Variants in HECTD4 observed in about 807,000 individuals in gnomAD.
HECTD4 encodes probable E3 ubiquitin-protein ligase HECTD4.
A neutral mutation model predicts 471.5 loss-of-function variants in HECTD4; 114 were observed. That is an observed-to-expected ratio of 0.24 (90% CI 0.21 to 0.28). The LOEUF is 0.28. HECTD4 is among the 10% of genes least tolerant of loss of function. The pLI, the probability that HECTD4 is intolerant of heterozygous loss-of-function variation, is 1.00. For synonymous variants in HECTD4, 2,012 were observed against 2,256.0 expected (o/e 0.89, Z 3.07); for missense variants, 3,866 against 5,651.5 (o/e 0.68, Z 10.13).
At chr12:112,170,826 G>A (rs2031186200) in intron 68 of HECTD4, 1 of 466,562 alleles carries the variant, frequency 2.1e-6, no homozygotes, top group Admixed American at 3.8e-5. Context: ...CTTCTGGGAT[G>A]TAGGGATGTG....
At chr12:112,288,456 T>TAA (rs1443863790) in intron 7 of HECTD4, among the ~76,000 whole-genome samples, 1 of 151,130 alleles carries the variant, frequency 6.6e-6, no homozygotes, top group Non-Finnish European at 1.5e-5. Context: ...ACTCAGTCTA[T>TAA]AAAAAAAATA....
chr12:112,250,897 C>T (rs1398038081), intron 24 of HECTD4, 74 bp downstream of exon 24: 1 of 1,429,930 alleles, frequency 7.0e-7, no homozygotes, highest in Non-Finnish European at 9.4e-7. Context: ...GGGAAATGTA[C>T]CAAAAGGATT....
chr12:112,378,578 T>C (rs1471676014), intron 1 of HECTD4, among the ~76,000 whole-genome samples: 4 of 152,098 alleles, frequency 2.6e-5, no homozygotes, highest in Non-Finnish European at 5.9e-5. Context: ...CAGTCATAAT[T>C]AGTCAACTTG....
At chr12:112,247,668 T>C (rs1203822378) in intron 27 of HECTD4, 118 bp from the exon 28 acceptor site, 5 of 448,048 alleles carry the variant, frequency 1.1e-5, no homozygotes, top group Non-Finnish European at 2.0e-5. Context: ...ATTTCTATGC[T>C]TGAAACTCAT....
rs2030702239 is a variant in HECTD4, at chr12:112,161,857, T to C, written c.*530A>G. On this transcript the variant is annotated 3_prime_UTR_variant, in exon 76 of 76. Coordinates refer to ENST00000682272, the MANE Select transcript of HECTD4 (RefSeq NM_001388303.1). The stretch of plus-strand genomic sequence containing the variant: ...ATGAACACATAAAGCTCCCTGTGTG[T>C]CTCACGTGTTTGGGCAATTGGCCCA... The C allele has an allele frequency of 6.6e-6, 1 of 152,572 alleles. No individual in the cohort carries two copies. Among genetic ancestry groups the C allele is most frequent in the African/African-American group, 2.4e-5 (1 of 41,456 alleles). 9.5% of individuals were successfully genotyped at this position (152,572 alleles called of 1,614,324 possible). A position where few individuals can be genotyped will look rare whatever the true frequency, so the allele number is the denominator to read the frequency against.
rs2030713371 is a variant in HECTD4, at chr12:112,162,155, C to T, written c.*232G>A. ...AGACACAAACTGTCTGGGAACTAAA[C>T]TATCCTACAAATAGACCACAAACAG... On this transcript the variant is annotated 3_prime_UTR_variant, in exon 76 of 76. Transcript: ENST00000682272. The surrounding 1 kb of genome is among the most constrained non-coding windows in gnomAD (Gnocchi z 5.2). 2.0e-6 allele frequency: 1 copy of T among 511,244 alleles called. No individual in the cohort carries two copies. The highest frequency in any genetic ancestry group is 5.2e-4 in the Middle Eastern group (1 of 1,924). 31.7% of individuals were successfully genotyped at this position (511,244 alleles called of 1,614,324 possible). A position where few individuals can be genotyped will look rare whatever the true frequency, so the allele number is the denominator to read the frequency against.
At chr12:112,259,374 C>G in intron 18 of HECTD4, 109 bp from the exon 19 acceptor site, 1 of 1,137,690 alleles carries the variant, frequency 8.8e-7, no homozygotes, top group East Asian at 2.6e-5. Flanking sequence ...CCTCCTTAAA[C>G]TACTTAAGCA....
chr12:112,186,422 C>T (rs1045671590), intron 60 of HECTD4, among the ~76,000 whole-genome samples: 1 of 147,736 alleles, frequency 6.8e-6, no homozygotes, highest in African/African-American at 2.5e-5. Flanking sequence ...ACTGCAACCT[C>T]TGACTCCTGG....
intron 18 of HECTD4, 27 bp downstream of exon 18, chr12:112,261,278 G>A: frequency 6.5e-7 from 1 of 1,530,686 alleles, no homozygotes; most frequent in Non-Finnish European, 8.9e-7. Flanking sequence ...CAGGGCAGCT[G>A]GTCACAGCCC....
intron 7 of HECTD4, among the ~76,000 whole-genome samples, chr12:112,293,290 G>C (rs866146988): frequency 2.7e-5 from 4 of 150,072 alleles, no homozygotes; most frequent in Middle Eastern, 7.0e-3. Flanking sequence ...GCTTGAACAT[G>C]GGAGGCGGAG....
intron 1 of HECTD4, among the ~76,000 whole-genome samples, chr12:112,332,514 C>G (rs957602361): frequency 2.2e-5 from 3 of 136,728 alleles, no homozygotes; most frequent in Non-Finnish European, 4.5e-5. Flanking sequence ...GCACTCCAGC[C>G]TGGGTGACAG....
chr12:112,204,772 G>C, intron 52 of HECTD4, 149 bp from the exon 53 acceptor site: 1 of 644,408 alleles, frequency 1.6e-6, no homozygotes, highest in South Asian at 2.1e-5. Context: ...AAATTGTGCA[G>C]TATCTACCAT....
At chr12:112,296,098 G>A (rs1206201131) in intron 7 of HECTD4, among the ~76,000 whole-genome samples, 1 of 152,236 alleles carries the variant, frequency 6.6e-6, no homozygotes, top group African/African-American at 2.4e-5. Context: ...AGGAAGCATG[G>A]CTAAGTGGCA....
At chr12:112,268,898 G>A (rs1174719733) in intron 13 of HECTD4, among the ~76,000 whole-genome samples, 17 of 118,402 alleles carry the variant, frequency 1.4e-4, no homozygotes, top group Admixed American at 5.4e-4. Context: ...TTTTTGAGGC[G>A]GAGTTTCGCT....
At chr12:112,231,237 G>C (rs186034359) in intron 39 of HECTD4, 1 of 499,746 alleles carries the variant, frequency 2.0e-6, no homozygotes, top group Non-Finnish European at 3.6e-6. Context: ...AGCAAGACCA[G>C]AGTTTATTAA....
intron 37 of HECTD4, among the ~76,000 whole-genome samples, chr12:112,234,446 C>A (rs541475563): frequency 2.6e-5 from 4 of 152,302 alleles, no homozygotes; most frequent in African/African-American, 7.2e-5. Context: ...ATCGTCAGAT[C>A]ATTTAAGTAA....
In HECTD4 at chr12:112,183,193, C is replaced by T; in HGVS notation, c.10853G>A (p.Ser3618Asn). 1.9e-6 allele frequency: 3 copies of T among 1,613,996 alleles called. No individual in the cohort carries two copies. Among genetic ancestry groups the T allele is most frequent in the Non-Finnish European group, 2.5e-6 (3 of 1,179,884 alleles). The change falls in exon 62 of 76, where the codon AGT (serine) becomes AAT (asparagine). Residue 3618 changes from serine to asparagine, a missense_variant. By Grantham distance (46) the Ser-to-Asn change is conservative (BLOSUM62 1). Coordinates refer to ENST00000682272, the MANE Select transcript of HECTD4 (RefSeq NM_001388303.1). ...FNNNDLIGLS[S>N]LDGEDELMEM... ...CATCAATTCATCTTCACCATCCAAA[C>T]TTGACAAACCAATCAAGTCATTATT...
Position 112,163,241 on chromosome 12 carries a change from C to T in HECTD4, c.12921G>A (p.Gly4307=), listed in dbSNP as rs1370704645. The change falls in exon 75 of 76, where the codon GGG becomes GGA. Residue 4307 remains glycine, a synonymous_variant. Transcript: ENST00000682272. The surrounding 1 kb of genome is among the most constrained non-coding windows in gnomAD (Gnocchi z 8.2). ...FLKAHTMYQV[G]LMETDQHIEF... is the part of the protein sequence containing the mutation. The stretch of plus-strand genomic sequence containing the variant: ...CGATGTGCTGGTCCGTCTCCATCAG[C>T]CCCACTTGGTACATGGTGTGGGCCT... The T allele has an allele frequency of 1.2e-6, 2 of 1,613,706 alleles. No individual in the cohort carries two copies. The highest frequency in any genetic ancestry group is 1.7e-6 in the Non-Finnish European group (2 of 1,179,674).
intron 8 of HECTD4, 67 bp downstream of exon 8, chr12:112,283,043 G>T: frequency 7.6e-7 from 1 of 1,308,998 alleles, no homozygotes; most frequent in Non-Finnish European, 1.1e-6. Flanking sequence ...CGGACGAAGT[G>T]CTCAATAAGA....
Sources: allele counts gnomAD v4.1 joint callset (sites outside exome capture counted in the v4.1 genomes callset), GRCh38; gene constraint gnomAD v4.1.1; non-coding constraint Gnocchi (gnomAD v3.1); transcripts MANE v1.5; gene names NCBI Gene and HGNC (gene_info 2026-07-23, HGNC 2026-07-21).